SULT1B1: variants seen among roughly 807,000 people sequenced by gnomAD.
SULT1B1 encodes sulfotransferase family 1B member 1, also known as sulfotransferase 1B1.
Under a neutral mutation model 34.6 loss-of-function variants are expected in SULT1B1, and 28 were observed. That is an observed-to-expected ratio of 0.81 (90% CI 0.60 to 1.11). The LOEUF is 1.11. SULT1B1 is among the 50% of genes least tolerant of loss of function. The probability of loss-of-function intolerance (pLI) is 0.00; values close to 1 mark genes in which losing one functional copy is unlikely to be tolerated. For synonymous variants in SULT1B1, 147 were observed against 110.2 expected, an observed-to-expected ratio of 1.33 and a Z score of -2.09; for missense variants, 374 against 352.2, an observed-to-expected ratio of 1.06 and a Z score of -0.50.
chr4:69,733,797 T>A (rs552886296), intron 5 of SULT1B1, among the ~76,000 whole-genome samples: 43 of 152,290 alleles, frequency 2.8e-4, no homozygotes, highest in African/African-American at 9.4e-4. Flanking sequence ...TCATATCAAC[T>A]ATTTACCTAA....
At chr4:69,742,844 G>A (rs1485577886) in intron 4 of SULT1B1, among the ~76,000 whole-genome samples, 1 of 152,222 alleles carries the variant, frequency 6.6e-6, no homozygotes, top group East Asian at 1.9e-4. Flanking sequence ...CAGCTGCGGT[G>A]CGGTGGGCAG....
rs140472641 is a variant in SULT1B1 at position 69,760,509 on chromosome 4, C to T, written c.-95G>A. ...TTTTCATTTTCAGGCAGTGAAGCTG[C>T]TGTAGAGTAACCATGGGAAACGGTG... On this transcript the variant is annotated 5_prime_UTR_variant, in exon 1 of 8. Coordinates refer to ENST00000310613, the MANE Select transcript of SULT1B1 (RefSeq NM_014465.4). 1 of 152,136 alleles carries T rather than the reference C, an allele frequency of 6.6e-6. No individual in the cohort carries two copies. Among genetic ancestry groups the T allele is most frequent in the Non-Finnish European group, 1.5e-5 (1 of 68,052 alleles). 9.4% of individuals were successfully genotyped at this position (152,136 alleles called of 1,614,324 possible). A position where few individuals can be genotyped will look rare whatever the true frequency, so the allele number is the denominator to read the frequency against.
chr4:69,754,425 G>T (rs558692189), intron 3 of SULT1B1, among the ~76,000 whole-genome samples: 88 of 152,178 alleles, frequency 5.8e-4, no homozygotes, highest in Non-Finnish European at 4.3e-4. Context: ...TAAAAATATT[G>T]TTTATTTTAT....
Position 69,726,033 on chromosome 4 carries a change from C to CATATATATATATATATAT in SULT1B1, c.*1037_*1054dup, listed in dbSNP as rs756017821. The CATATATATATATATATAT allele has an allele frequency of 1.0e-4, 3 of 29,158 alleles. No homozygotes were observed. The highest frequency in any genetic ancestry group is 1.6e-4 in the African/African-American group (2 of 12,292). 1.8% of individuals were successfully genotyped at this position (29,158 alleles called of 1,614,324 possible). A position where few individuals can be genotyped will look rare whatever the true frequency, so the allele number is the denominator to read the frequency against. On this transcript the variant is annotated 3_prime_UTR_variant, in exon 8 of 8. Transcript: ENST00000310613. ...ACTTAAAGTATAATAATAAAATGTA[C>CATATATATATATATATAT]ATATATATATATATATATATATATA...
Position 69,721,858 on chromosome 4 carries a change from C to G in SULT1B1, c.*5230G>C, listed in dbSNP as rs1222242846. ...ATTGTCAGATATTTGTTATCACTGT[C>G]CTTACATCATGGTTCTGTTAGAGAA... On this transcript the variant is annotated 3_prime_UTR_variant, in exon 8 of 8. Coordinates refer to ENST00000310613, the MANE Select transcript of SULT1B1 (RefSeq NM_014465.4). 1 of 151,990 alleles carries G rather than the reference C, an allele frequency of 6.6e-6. No individual in the cohort carries two copies. Among genetic ancestry groups the G allele is most frequent in the African/African-American group, 2.4e-5 (1 of 41,400 alleles). 9.4% of individuals were successfully genotyped at this position (151,990 alleles called of 1,614,324 possible).
chr4:69,753,091 A>G (rs1049992375), intron 3 of SULT1B1, among the ~76,000 whole-genome samples: 9 of 152,164 alleles, frequency 5.9e-5, no homozygotes, highest in Non-Finnish European at 8.8e-5. Context: ...CCTAATGAAT[A>G]TATTTTTACA....
intron 4 of SULT1B1, among the ~76,000 whole-genome samples, chr4:69,747,712 A>G (rs1177669530): frequency 1.3e-5 from 2 of 152,144 alleles, no homozygotes; most frequent in Non-Finnish European, 2.9e-5. Context: ...CCTGCCAGCT[A>G]AAATGTCTCT....
intron 4 of SULT1B1, among the ~76,000 whole-genome samples, chr4:69,742,136 G>GT (rs1396309752): frequency 1.3e-5 from 2 of 152,184 alleles, no homozygotes; most frequent in Non-Finnish European, 2.9e-5. Context: ...TGATTTTGTG[G>GT]TTTTTGTTTT....
chr4:69,757,331 T>G (rs1235700818), intron 1 of SULT1B1, among the ~76,000 whole-genome samples: 1 of 152,184 alleles, frequency 6.6e-6, no homozygotes, highest in African/African-American at 2.4e-5. Flanking sequence ...TCGCATTGCT[T>G]CTAGTAAAAT....
chr4:69,724,535 A>T lies in SULT1B1; in HGVS notation c.*2553T>A, dbSNP rs1376671042. ...GGAAAAAACTACTTTAAAGTTCATA[A>T]GAAACCAAAAAAGAGCCCGCATTGC... On this transcript the variant is annotated 3_prime_UTR_variant, in exon 8 of 8. Transcript: ENST00000310613. 3 of 151,980 alleles carry T rather than the reference A, an allele frequency of 2.0e-5. No homozygotes were observed. Among genetic ancestry groups the T allele is most frequent in the African/African-American group, 7.2e-5 (3 of 41,416 alleles). The allele number at this position is 151,980 out of a possible 1,614,324, so 9.4% of individuals were successfully genotyped here. A position where few individuals can be genotyped will look rare whatever the true frequency, so the allele number is the denominator to read the frequency against.
At chr4:69,741,649 G>A (rs1182198340) in intron 4 of SULT1B1, among the ~76,000 whole-genome samples, 1 of 152,022 alleles carries the variant, frequency 6.6e-6, no homozygotes, top group African/African-American at 2.4e-5. Context: ...TGACTATTGT[G>A]AATGAGATTA....
chr4:69,757,783 T>C (rs1719248012), intron 1 of SULT1B1, among the ~76,000 whole-genome samples: 1 of 152,206 alleles, frequency 6.6e-6, no homozygotes, highest in Admixed American at 6.5e-5. Context: ...TAGCATCTTA[T>C]GCTACAAATA....
intron 4 of SULT1B1, among the ~76,000 whole-genome samples, chr4:69,749,278 G>A (rs537591816): frequency 6.6e-6 from 1 of 151,964 alleles, no homozygotes; most frequent in African/African-American, 2.4e-5. Context: ...ATTGTCAAAA[G>A]TCAGATAAGA....
At chr4:69,729,336 A>C (rs906857764) in intron 7 of SULT1B1, among the ~76,000 whole-genome samples, 1 of 152,022 alleles carries the variant, frequency 6.6e-6, no homozygotes, top group African/African-American at 2.4e-5. Context: ...TTTGAGTGCC[A>C]ATTTTCATAT....
intron 6 of SULT1B1, among the ~76,000 whole-genome samples, chr4:69,731,283 G>A (rs748056863): frequency 2.6e-5 from 4 of 152,164 alleles, no homozygotes; most frequent in Non-Finnish European, 5.9e-5. Context: ...ATTGTGAATT[G>A]AGTATGTGAG....
chr4:69,741,508 A>G (rs1718552280), intron 4 of SULT1B1, among the ~76,000 whole-genome samples: 1 of 152,192 alleles, frequency 6.6e-6, no homozygotes, highest in East Asian at 1.9e-4. Flanking sequence ...GGTTCTTCCT[A>G]TACATGGGCA....
intron 4 of SULT1B1, among the ~76,000 whole-genome samples, chr4:69,734,903 C>G (rs1300878644): frequency 6.6e-6 from 1 of 150,662 alleles, no homozygotes; most frequent in Admixed American, 6.6e-5. Flanking sequence ...ACTGCAAGCT[C>G]CGCCTCCCAG....
At position 69,734,652 on chromosome 4, in the gene SULT1B1, A is replaced by G. The variant is rs866512025; in HGVS notation, c.376-388T>C. Among the ~76,000 whole-genome samples, 10 of 152,204 alleles carry G rather than the reference A, an allele frequency of 6.6e-5. 1 individual carries two copies. Among genetic ancestry groups the G allele is most frequent in the Middle Eastern group, 6.3e-3 (2 of 316 alleles). On this transcript the variant is annotated intron_variant, in intron 4 of 7. Coordinates refer to ENST00000310613, the MANE Select transcript of SULT1B1 (RefSeq NM_014465.4). The stretch of plus-strand genomic sequence containing the variant: ...AAAATAACAAAATTGTGGGAAAAAA[A>G]TAAAAGTTTTCACTTTTCACTTCTA...
intron 4 of SULT1B1, among the ~76,000 whole-genome samples, chr4:69,747,392 C>T (rs919658945): frequency 4.6e-5 from 7 of 152,158 alleles, no homozygotes; most frequent in Non-Finnish European, 7.4e-5. Context: ...ACTATGACAG[C>T]GGCTGCTGGC....
Sources: allele counts gnomAD v4.1 joint callset (sites outside exome capture counted in the v4.1 genomes callset), GRCh38; gene constraint gnomAD v4.1.1; transcripts MANE v1.5; gene names NCBI Gene and HGNC (gene_info 2026-07-23, HGNC 2026-07-21).